The following MIPOL1 variants were observed in gnomAD, a reference collection of about 807,000 sequenced individuals.
MIPOL1 encodes mirror-image polydactyly 1.
In MIPOL1, 57 loss-of-function variants were observed where a neutral mutation model predicts 60.9. That is an observed-to-expected ratio of 0.94 (90% CI 0.76 to 1.17). The LOEUF (loss-of-function observed/expected upper bound fraction) is 1.17. Ranked by LOEUF, MIPOL1 falls within the 50% of genes most tolerant of loss-of-function variation. The pLI, the probability that MIPOL1 is intolerant of heterozygous loss-of-function variation, is 0.00. For synonymous variants in MIPOL1, 179 were observed against 168.8 expected (o/e 1.06, Z -0.47); for missense variants, 551 against 511.6 (o/e 1.08, Z -0.74).
chr14:37,393,143 A>G (rs2093289838), intron 10 of MIPOL1, among the ~76,000 whole-genome samples: 1 of 152,078 alleles, frequency 6.6e-6, no homozygotes, highest in South Asian at 2.1e-4. Flanking sequence ...GATGGCAACT[A>G]CCAGAACCTG....
At chr14:37,379,086 A>G (rs2092855191) in intron 10 of MIPOL1, among the ~76,000 whole-genome samples, 1 of 152,104 alleles carries the variant, frequency 6.6e-6, no homozygotes, top group African/African-American at 2.4e-5. Context: ...AGTAATCAAG[A>G]TAGTATGGTA....
intron 9 of MIPOL1, among the ~76,000 whole-genome samples, chr14:37,366,442 T>A (rs2092473667): frequency 6.6e-6 from 1 of 152,064 alleles, no homozygotes; most frequent in Non-Finnish European, 1.5e-5. Flanking sequence ...TTAATTTTGG[T>A]GTGTTTGTGT....
intron 11 of MIPOL1, among the ~76,000 whole-genome samples, chr14:37,452,542 G>A (rs997799894): frequency 6.6e-6 from 1 of 151,968 alleles, no homozygotes. Flanking sequence ...CTACTTTGGG[G>A]GACTGTCTTA....
intron 6 of MIPOL1, among the ~76,000 whole-genome samples, chr14:37,282,780 T>TA (rs561172064): frequency 6.1e-5 from 9 of 148,062 alleles, no homozygotes; most frequent in Admixed American, 2.0e-4. Context: ...AGAAGGTAGT[T>TA]ATGATTTATT....
intron 12 of MIPOL1, chr14:37,545,748 G>C: frequency 1.7e-6 from 1 of 587,408 alleles, no homozygotes; most frequent in South Asian, 2.0e-5. Flanking sequence ...TTCCTCAGTG[G>C]AACTTCCAAA....
chr14:37,329,422 AGT>A (rs987973529), intron 9 of MIPOL1, among the ~76,000 whole-genome samples: 1 of 152,156 alleles, frequency 6.6e-6, no homozygotes, highest in African/African-American at 2.4e-5. Context: ...TTGAGTCTGA[AGT>A]CTCAATGAGA....
intron 7 of MIPOL1, among the ~76,000 whole-genome samples, chr14:37,286,458 T>C (rs2084573749): frequency 6.6e-6 from 1 of 152,202 alleles, no homozygotes; most frequent in Non-Finnish European, 1.5e-5. Context: ...GAATATGCTT[T>C]GGGTAGAAAG....
intron 1 of MIPOL1, among the ~76,000 whole-genome samples, chr14:37,235,300 A>G (rs1312324269): frequency 6.6e-6 from 1 of 152,192 alleles, no homozygotes; most frequent in African/African-American, 2.4e-5. Context: ...TAATGATCCA[A>G]CAGTGAACCT....
intron 12 of MIPOL1, among the ~76,000 whole-genome samples, chr14:37,525,442 A>G (rs2095440879): frequency 6.6e-6 from 1 of 152,226 alleles, no homozygotes; most frequent in African/African-American, 2.4e-5. Context: ...AGAGTGTACC[A>G]TAGAATATAA....
chr14:37,534,484 A>C (rs962321329), intron 12 of MIPOL1, among the ~76,000 whole-genome samples: 1 of 152,210 alleles, frequency 6.6e-6, no homozygotes, highest in African/African-American at 2.4e-5. Context: ...TCTTATTCCC[A>C]ACATATGTGT....
At chr14:37,348,271 G>A (rs755231828) in intron 9 of MIPOL1, among the ~76,000 whole-genome samples, 2 of 152,044 alleles carry the variant, frequency 1.3e-5, no homozygotes, top group African/African-American at 2.4e-5. Flanking sequence ...TTTAAAAACT[G>A]TACCTCTGAA....
intron 9 of MIPOL1, among the ~76,000 whole-genome samples, chr14:37,318,433 G>T (rs1479392474): frequency 6.6e-6 from 1 of 152,100 alleles, no homozygotes; most frequent in African/African-American, 2.4e-5. Context: ...AATTACAGTG[G>T]CTGTAAGATT....
At chr14:37,263,559 A>G (rs1343420099) in intron 3 of MIPOL1, among the ~76,000 whole-genome samples, 1 of 152,202 alleles carries the variant, frequency 6.6e-6, no homozygotes, top group East Asian at 1.9e-4. Context: ...TCTAAATAAA[A>G]CAGTGTGCCC....
intron 1 of MIPOL1, chr14:37,227,916 G>A (rs1970002474): frequency 1.3e-5 from 2 of 152,144 alleles, no homozygotes; most frequent in South Asian, 4.2e-4. Context: ...ATATAAATAA[G>A]GCTAGGAAAT....
At position 37,291,725 on chromosome 14, in the gene MIPOL1, G is replaced by A. The variant is rs551112607; in HGVS notation, c.623+6278G>A. Among the ~76,000 whole-genome samples, 2 of 151,958 alleles carry A rather than the reference G, an allele frequency of 1.3e-5. 1 individual carries two copies. Among genetic ancestry groups the A allele is most frequent in the South Asian group, 4.2e-4 (2 of 4,812 alleles). On this transcript the variant is annotated intron_variant, in intron 7 of 12. Coordinates refer to ENST00000684589, the MANE Select transcript of MIPOL1 (RefSeq NM_001388067.1). ...GCTTGAAATCCAAGATCGAGGTGCT[G>A]GCATCTTTCAAGGGCCTTCTTGCCA...
intron 1 of MIPOL1, among the ~76,000 whole-genome samples, chr14:37,201,935 T>A (rs1312889447): frequency 2.0e-5 from 3 of 152,176 alleles, no homozygotes; most frequent in African/African-American, 7.2e-5. Context: ...GGGGTCAAGC[T>A]GTCTTCCCTG....
chr14:37,213,313 T>C (rs1967022977), intron 1 of MIPOL1, among the ~76,000 whole-genome samples: 1 of 152,098 alleles, frequency 6.6e-6, no homozygotes, highest in Admixed American at 6.5e-5. Flanking sequence ...TCAAAGAAAT[T>C]CAAGATAACA....
At chr14:37,224,944 G>A (rs1423695310) in intron 1 of MIPOL1, among the ~76,000 whole-genome samples, 1 of 152,160 alleles carries the variant, frequency 6.6e-6, no homozygotes, top group East Asian at 1.9e-4. Flanking sequence ...TTCCAAAGGG[G>A]AGAAATTGGC....
At chr14:37,388,821 T>A (rs1353852545) in intron 10 of MIPOL1, among the ~76,000 whole-genome samples, 1 of 152,080 alleles carries the variant, frequency 6.6e-6, no homozygotes. Context: ...TAGTAGCTCA[T>A]TTCTCTTTTA....
Sources: allele counts gnomAD v4.1 joint callset (sites outside exome capture counted in the v4.1 genomes callset), GRCh38; gene constraint gnomAD v4.1.1; transcripts MANE v1.5; gene names NCBI Gene and HGNC (gene_info 2026-07-23, HGNC 2026-07-21).